The following TCF4 variants were observed in gnomAD, a reference collection of about 807,000 sequenced individuals.
The protein encoded by TCF4 is SL3-3 enhancer factor 2.
In TCF4, 3 loss-of-function variants were observed where a neutral mutation model predicts 82.1. The observed-to-expected ratio is 0.04, with a 90% CI of 0.02 to 0.09. TCF4 has a LOEUF of 0.09. TCF4 is among the 10% of genes least tolerant of loss of function. The pLI is 1.00. For missense variants in TCF4, 518 were observed against 852.7 expected, an observed-to-expected ratio of 0.61 and a Z score of 4.89; for synonymous variants, 276 against 309.6, an observed-to-expected ratio of 0.89 and a Z score of 1.14.
At chr18:55,570,147 T>G (rs1355392449) in intron 3 of TCF4, among the ~76,000 whole-genome samples, 1 of 152,202 alleles carries the variant, frequency 6.6e-6, no homozygotes, top group East Asian at 1.9e-4. Context: ...TGTGAATGAC[T>G]GGAGAAAGGA....
At chr18:55,242,702 C>G (rs562540178) in intron 15 of TCF4, among the ~76,000 whole-genome samples, 24 of 151,922 alleles carry the variant, frequency 1.6e-4, no homozygotes, top group Non-Finnish European at 2.9e-5. Flanking sequence ...CTCCGCCTCC[C>G]GGGTTCAAGC....
At chr18:55,627,299 G>A (rs1177704651) in intron 2 of TCF4, among the ~76,000 whole-genome samples, 1 of 152,120 alleles carries the variant, frequency 6.6e-6, no homozygotes, top group Non-Finnish European at 1.5e-5. Context: ...TGGAGTGATA[G>A]AGAGAAAAGC....
At chr18:55,284,484 G>A (rs1173750927) in intron 8 of TCF4, 1 of 152,012 alleles carries the variant, frequency 6.6e-6, no homozygotes, top group Non-Finnish European at 1.5e-5. Context: ...TACTTGTTAA[G>A]TAACCTGCTT....
At chr18:55,542,553 T>C (rs995472803) in intron 3 of TCF4, among the ~76,000 whole-genome samples, 1 of 151,978 alleles carries the variant, frequency 6.6e-6, no homozygotes, top group African/African-American at 2.4e-5. Context: ...AGTAATAACA[T>C]TCTCTTATAG....
At chr18:55,382,017 T>C (rs778226289) in intron 6 of TCF4, among the ~76,000 whole-genome samples, 1 of 152,174 alleles carries the variant, frequency 6.6e-6, no homozygotes, top group Non-Finnish European at 1.5e-5. Context: ...CAAAGTCCCT[T>C]GACCTTCCTT....
In TCF4 at chr18:55,314,568, TA is replaced by T. The variant is rs35480166; in HGVS notation, c.550-34913del. On this transcript the variant is annotated intron_variant, in intron 8 of 19. Coordinates refer to ENST00000354452, the MANE Select transcript of TCF4 (RefSeq NM_001083962.2). ...TGAGTCATACAGTATTTATTCTCCT[TA>T]AAAAAAAAAAAAGACCACACATTCT... is the stretch of plus-strand genomic sequence containing the variant. Among the ~76,000 whole-genome samples the T allele has an allele frequency of 3.7e-3, 537 of 143,910 alleles. 2 individuals carry two copies. Among genetic ancestry groups the T allele is most frequent in the Non-Finnish European group, 6.4e-3 (422 of 65,712 alleles). 94.4% of individuals were successfully genotyped at this position (143,910 alleles called of 152,430 possible).
chr18:55,471,626 C>A (rs928147126), intron 3 of TCF4, among the ~76,000 whole-genome samples: 2 of 152,032 alleles, frequency 1.3e-5, no homozygotes, highest in Admixed American at 6.6e-5. Flanking sequence ...ATTAGCTGGG[C>A]ATGGTGGTGC....
chr18:55,510,620 C>T, intron 3 of TCF4: 4 of 1,516,478 alleles, frequency 2.6e-6, no homozygotes, highest in Non-Finnish European at 2.6e-6. Context: ...TAATAAATTC[C>T]CCCAATATAT....
At position 55,437,941 on chromosome 18, in the gene TCF4, C is replaced by A. The variant is rs562656630; in HGVS notation, c.304+23078G>T. Among the ~76,000 whole-genome samples the A allele has an allele frequency of 2.0e-5, 3 of 152,310 alleles. No individual in the cohort carries two copies. In the South Asian group the frequency reaches 6.2e-4, roughly 32 times the overall value. On this transcript the variant is annotated intron_variant, in intron 5 of 19. Coordinates refer to ENST00000354452, the MANE Select transcript of TCF4 (RefSeq NM_001083962.2). ...TTAGGCCAGGCACAGCGGCTCACGC[C>A]TCTAATCCCAGCACTTTCGGAGGCC...
At chr18:55,496,386 G>A (rs1228514069) in intron 3 of TCF4, 2 of 148,118 alleles carry the variant, frequency 1.4e-5, no homozygotes, top group Non-Finnish European at 3.0e-5. Flanking sequence ...ATACCTATGT[G>A]TTCCAGTAAA....
chr18:55,416,427 C>T (rs557383367), intron 5 of TCF4, among the ~76,000 whole-genome samples: 10 of 152,150 alleles, frequency 6.6e-5, no homozygotes, highest in Non-Finnish European at 1.0e-4. Flanking sequence ...AATTAGCTGC[C>T]ACTGTCCCTC....
intron 12 of TCF4, chr18:55,261,107 A>G (rs1479131340): frequency 6.3e-6 from 1 of 158,372 alleles, no homozygotes; most frequent in Non-Finnish European, 1.3e-5. Flanking sequence ...CCTCTTTCAA[A>G]GTGTTTTAGA....
intron 3 of TCF4, chr18:55,496,074 T>C (rs1296283861): frequency 6.6e-6 from 1 of 152,250 alleles, no homozygotes; most frequent in East Asian, 1.9e-4. Flanking sequence ...TACTATACTG[T>C]GATACATAAA....
At chr18:55,569,622 AT>A (rs1603623708) in intron 3 of TCF4, among the ~76,000 whole-genome samples, 3 of 152,196 alleles carry the variant, frequency 2.0e-5, no homozygotes, top group South Asian at 2.1e-4. Context: ...AATTAAAAAA[AT>A]ATACTGGTAA....
chr18:55,560,682 C>T (rs779158768), intron 3 of TCF4, among the ~76,000 whole-genome samples: 13 of 152,198 alleles, frequency 8.5e-5, no homozygotes, highest in Non-Finnish European at 1.8e-4. Context: ...GGCACAATCT[C>T]ATATACTCCC....
chr18:55,552,668 C>A (rs1330787099), intron 3 of TCF4, among the ~76,000 whole-genome samples: 1 of 152,218 alleles, frequency 6.6e-6, no homozygotes, highest in African/African-American at 2.4e-5. Context: ...GCTTAATGGG[C>A]AAAATGCCAC....
chr18:55,523,065 A>G (rs1205816901), intron 3 of TCF4, among the ~76,000 whole-genome samples: 1 of 152,102 alleles, frequency 6.6e-6, no homozygotes, highest in Non-Finnish European at 1.5e-5. Context: ...TTTAAAAGCT[A>G]AACTTGATAA....
chr18:55,328,344 C>G (rs1405774142), intron 8 of TCF4, among the ~76,000 whole-genome samples: 1 of 151,598 alleles, frequency 6.6e-6, no homozygotes, highest in South Asian at 2.1e-4. Flanking sequence ...TTCCCCAGGC[C>G]GTCAATCTTT....
intron 8 of TCF4, among the ~76,000 whole-genome samples, chr18:55,305,083 C>A (rs2069805848): frequency 6.6e-6 from 1 of 152,126 alleles, no homozygotes; most frequent in Admixed American, 6.5e-5. Context: ...ATAAATCTAT[C>A]TGCTAAAGCT....
Sources: allele counts gnomAD v4.1 joint callset (sites outside exome capture counted in the v4.1 genomes callset), GRCh38; gene constraint gnomAD v4.1.1; transcripts MANE v1.5; gene names NCBI Gene and HGNC (gene_info 2026-07-23, HGNC 2026-07-21).